The following SHISA9 variants were observed in gnomAD, a reference collection of about 807,000 sequenced individuals.
SHISA9 encodes shisa family member 9.
In SHISA9, 13 loss-of-function variants were observed where a neutral mutation model predicts 38.0. The observed-to-expected ratio is 0.34, with a 90% CI of 0.22 to 0.54. The LOEUF is 0.54. Among genes scored for constraint, SHISA9 ranks in the 20% least tolerant of loss-of-function variants. SHISA9 has a pLI of 0.91. For synonymous variants in SHISA9, 275 were observed against 242.0 expected (o/e 1.14, Z -1.27); for missense variants, 538 against 575.8 (o/e 0.93, Z 0.67).
At chr16:13,532,605 C>G in the SHISA9 span, among the ~76,000 whole-genome samples, 1 of 150,906 alleles carries the variant, frequency 6.6e-6, no homozygotes, top group Non-Finnish European at 1.5e-5. Flanking sequence ...TAAAATATGA[C>G]TATCCTCTGA....
At chr16:13,346,920 TC>T in the SHISA9 span, among the ~76,000 whole-genome samples, 18 of 152,330 alleles carry the variant, frequency 1.2e-4, no homozygotes, top group Admixed American at 2.6e-4. Flanking sequence ...GTGCTATAAA[TC>T]CCAACCTGTT....
the SHISA9 span, chr16:13,474,335 C>T: frequency 6.6e-6 from 1 of 152,180 alleles, no homozygotes; most frequent in Non-Finnish European, 1.5e-5. Flanking sequence ...GAAATAGAAG[C>T]TTCAAGGTGG....
intron 2 of SHISA9, among the ~76,000 whole-genome samples, chr16:12,970,465 GTGTGTATATA>G (rs2072059363): frequency 4.4e-5 from 1 of 22,482 alleles, no homozygotes; most frequent in African/African-American, 2.3e-4. Context: ...ACATATATGT[GTGTGTATATA>G]TATATATATA....
the SHISA9 span, among the ~76,000 whole-genome samples, chr16:13,421,761 T>TGATA: frequency 7.9e-5 from 12 of 152,366 alleles, no homozygotes; most frequent in East Asian, 1.3e-3. Flanking sequence ...ATATTAGTCC[T>TGATA]CTTCCCCTTC....
chr16:13,320,021 G>A, the SHISA9 span, among the ~76,000 whole-genome samples: 3 of 151,890 alleles, frequency 2.0e-5, no homozygotes, highest in Admixed American at 6.6e-5. Flanking sequence ...AGCCGGGCAC[G>A]GTGGCTCGCA....
At chr16:13,508,581 A>G in the SHISA9 span, among the ~76,000 whole-genome samples, 1 of 152,324 alleles carries the variant, frequency 6.6e-6, no homozygotes, top group Admixed American at 6.5e-5. Context: ...ATTAAAAGTT[A>G]CTTAAACACA....
At chr16:13,477,316 G>C in the SHISA9 span, among the ~76,000 whole-genome samples, 1 of 152,144 alleles carries the variant, frequency 6.6e-6, no homozygotes, top group Non-Finnish European at 1.5e-5. Flanking sequence ...CACAGACTGG[G>C]CAAAAGTTAT....
chr16:13,017,116 T>C (rs953189221), intron 2 of SHISA9, among the ~76,000 whole-genome samples: 1 of 151,602 alleles, frequency 6.6e-6, no homozygotes, highest in African/African-American at 2.4e-5. Context: ...GTCTCCTAGG[T>C]TTAAGTGATT....
At chr16:13,379,572 AT>A in the SHISA9 span, among the ~76,000 whole-genome samples, 2 of 152,154 alleles carry the variant, frequency 1.3e-5, no homozygotes, top group African/African-American at 4.8e-5. Context: ...TGCCAACTAT[AT>A]TTTTTTAAAT....
chr16:13,464,178 G>T, the SHISA9 span, among the ~76,000 whole-genome samples: 3 of 152,156 alleles, frequency 2.0e-5, no homozygotes, highest in African/African-American at 7.2e-5. Flanking sequence ...GTGAGGATTG[G>T]AGGAAGCTTT....
In SHISA9 at chr16:13,102,715, C is replaced by T. The variant is rs186858783; in HGVS notation, c.692-100679C>T. Among the ~76,000 whole-genome samples, 184 of 152,326 alleles carry T rather than the reference C, an allele frequency of 1.2e-3. 1 individual carries two copies. Among genetic ancestry groups the T allele is most frequent in the African/African-American group, 4.1e-3 (171 of 41,586 alleles). On this transcript the variant is annotated intron_variant, in intron 2 of 4. Coordinates refer to ENST00000558583, the MANE Select transcript of SHISA9 (RefSeq NM_001145204.3). ...CTGTTTCTCTGCCGCTATAATGCTT[C>T]ACTGCTTCCCCTAGACGGTTGGGGA...
the SHISA9 span, among the ~76,000 whole-genome samples, chr16:13,549,669 CT>C: frequency 6.6e-6 from 1 of 152,084 alleles, no homozygotes; most frequent in Non-Finnish European, 1.5e-5. Flanking sequence ...ACAGAGTGAT[CT>C]TTTAGGAAAT....
chr16:13,523,554 C>A, the SHISA9 span, among the ~76,000 whole-genome samples: 2 of 152,090 alleles, frequency 1.3e-5, no homozygotes, highest in Admixed American at 6.5e-5. Context: ...AGGAAACTTA[C>A]AAACGTTATG....
At chr16:13,358,664 T>A in the SHISA9 span, among the ~76,000 whole-genome samples, 5 of 152,336 alleles carry the variant, frequency 3.3e-5, 1 homozygote, top group Middle Eastern at 0.01. Context: ...TTGTAAGTGC[T>A]TCAACCAACC....
chr16:12,991,532 A>C (rs947066517), intron 2 of SHISA9, among the ~76,000 whole-genome samples: 3 of 152,244 alleles, frequency 2.0e-5, no homozygotes, highest in African/African-American at 7.2e-5. Flanking sequence ...AATTGAAAAC[A>C]GAGAACTAAG....
chr16:13,043,278 C>T (rs1355790633), intron 2 of SHISA9, among the ~76,000 whole-genome samples: 2 of 152,146 alleles, frequency 1.3e-5, no homozygotes, highest in Admixed American at 6.5e-5. Context: ...ATATCAGTTC[C>T]ATCCATATTC....
the SHISA9 span, among the ~76,000 whole-genome samples, chr16:13,457,545 T>A: frequency 1.6e-4 from 24 of 152,050 alleles, no homozygotes; most frequent in Middle Eastern, 3.4e-3. Flanking sequence ...AAGTTTTGAA[T>A]GACTCCCTTT....
chr16:13,497,695 A>AAAAAAAAG, the SHISA9 span, among the ~76,000 whole-genome samples: 1 of 140,654 alleles, frequency 7.1e-6, no homozygotes, highest in Non-Finnish European at 1.6e-5. Flanking sequence ...CAAAAAAAAA[A>AAAAAAAAG]AAAAAAGAAA....
At chr16:13,290,280 C>T in the SHISA9 span, among the ~76,000 whole-genome samples, 1 of 152,022 alleles carries the variant, frequency 6.6e-6, no homozygotes, top group Non-Finnish European at 1.5e-5. Context: ...GAGCTTCTCC[C>T]TTAAGTACTA....
Sources: allele counts gnomAD v4.1 joint callset (sites outside exome capture counted in the v4.1 genomes callset), GRCh38; gene constraint gnomAD v4.1.1; transcripts MANE v1.5; gene names NCBI Gene and HGNC (gene_info 2026-07-23, HGNC 2026-07-21).